The following SGCD variants were observed in gnomAD, a reference collection of about 807,000 sequenced individuals.
SGCD encodes delta-sarcoglycan.
Under a neutral mutation model 36.6 loss-of-function variants are expected in SGCD, and 18 were observed. That is an observed-to-expected ratio of 0.49 (90% CI 0.34 to 0.73). The LOEUF is 0.73. Ranked by LOEUF, SGCD falls within the 30% of genes least tolerant of loss-of-function variation. The pLI is 0.01. For missense variants in SGCD, 387 were observed against 346.7 expected (o/e 1.12, Z -0.92); for synonymous variants, 133 against 130.6 (o/e 1.02, Z -0.12).
intron 6 of SGCD, among the ~76,000 whole-genome samples, chr5:156,627,712 C>A (rs1233933793): frequency 6.6e-6 from 1 of 152,052 alleles, no homozygotes; most frequent in Non-Finnish European, 1.5e-5. Context: ...AAATCCAAGA[C>A]AAGAGCCTGG....
At chr5:156,384,117 T>C (rs186759329) in intron 3 of SGCD, among the ~76,000 whole-genome samples, 1 of 152,340 alleles carries the variant, frequency 6.6e-6, no homozygotes, top group East Asian at 1.9e-4. Flanking sequence ...AAGTTAAATA[T>C]GTGTAGCACA....
chr5:156,417,809 T>G (rs1303090785), intron 3 of SGCD, among the ~76,000 whole-genome samples: 2 of 151,746 alleles, frequency 1.3e-5, no homozygotes, highest in Non-Finnish European at 2.9e-5. Flanking sequence ...CCCAATTCAG[T>G]TCACAGCAGG....
At chr5:156,098,804 A>G (rs1192473983) in intron 1 of SGCD, among the ~76,000 whole-genome samples, 1 of 152,172 alleles carries the variant, frequency 6.6e-6, no homozygotes, top group African/African-American at 2.4e-5. Flanking sequence ...TTTGGGGCAA[A>G]TAGGTTTTCT....
intron 3 of SGCD, among the ~76,000 whole-genome samples, chr5:156,277,783 G>T (rs1340845784): frequency 1.3e-5 from 2 of 152,168 alleles, no homozygotes; most frequent in Non-Finnish European, 2.9e-5. Flanking sequence ...GAGACTTAAA[G>T]GTGATGGAAG....
chr5:156,525,373 T>C (rs1453894332), intron 4 of SGCD, among the ~76,000 whole-genome samples: 1 of 152,118 alleles, frequency 6.6e-6, no homozygotes, highest in South Asian at 2.1e-4. Flanking sequence ...TATGTCTTCT[T>C]TGGAAAAAGG....
intron 6 of SGCD, among the ~76,000 whole-genome samples, chr5:156,601,382 T>C (rs761775816): frequency 6.6e-6 from 1 of 152,226 alleles, no homozygotes; most frequent in Non-Finnish European, 1.5e-5. Context: ...CACCATTTAT[T>C]GAAGAGACTA....
intron 3 of SGCD, among the ~76,000 whole-genome samples, chr5:156,495,788 C>A (rs910288712): frequency 6.6e-6 from 1 of 152,178 alleles, no homozygotes; most frequent in African/African-American, 2.4e-5. Context: ...GATTTATAAG[C>A]TCACATTTTT....
intron 1 of SGCD, among the ~76,000 whole-genome samples, chr5:155,989,350 C>T (rs1349954989): frequency 6.6e-6 from 1 of 152,084 alleles, no homozygotes; most frequent in Non-Finnish European, 1.5e-5. Context: ...TGAGTTATGA[C>T]ATATTCTTAC....
At chr5:155,772,572 T>C in the SGCD span, among the ~76,000 whole-genome samples, 6,776 of 152,202 alleles carry the variant, frequency 0.045, 328 homozygotes, top group African/African-American at 0.12. Context: ...ATGACTCCTT[T>C]ACTTTAGCTA....
At chr5:156,408,603 C>G (rs1159402549) in intron 3 of SGCD, among the ~76,000 whole-genome samples, 2 of 152,176 alleles carry the variant, frequency 1.3e-5, no homozygotes, top group Non-Finnish European at 2.9e-5. Context: ...AGGTGATCCA[C>G]CTACCTCCAC....
At chr5:156,379,053 T>C (rs1043961966) in intron 3 of SGCD, among the ~76,000 whole-genome samples, 1 of 152,178 alleles carries the variant, frequency 6.6e-6, no homozygotes, top group Non-Finnish European at 1.5e-5. Flanking sequence ...ATAATTCACT[T>C]TATTCATTTA....
the SGCD span, among the ~76,000 whole-genome samples, chr5:155,850,870 G>A: frequency 2.0e-5 from 3 of 152,184 alleles, no homozygotes; most frequent in African/African-American, 7.2e-5. Context: ...TGATGGAAGC[G>A]ACAGAAGTAG....
chr5:156,336,783 T>C (rs1768377917), intron 2 of SGCD, among the ~76,000 whole-genome samples: 1 of 152,260 alleles, frequency 6.6e-6, no homozygotes, highest in Admixed American at 6.5e-5. Flanking sequence ...ATTGTTTAAC[T>C]GCATGTTCTT....
At chr5:156,466,408 G>A (rs867346205) in intron 3 of SGCD, among the ~76,000 whole-genome samples, 9 of 152,074 alleles carry the variant, frequency 5.9e-5, no homozygotes, top group African/African-American at 1.9e-4. Flanking sequence ...GAATAATGAC[G>A]ACTATCGGGC....
At chr5:156,461,186 TA>T (rs565192196) in intron 3 of SGCD, among the ~76,000 whole-genome samples, 410 of 152,318 alleles carry the variant, frequency 2.7e-3, no homozygotes, top group Non-Finnish European at 4.3e-3. Context: ...ATGTCAATTC[TA>T]AAAAGCATGT....
the SGCD span, among the ~76,000 whole-genome samples, chr5:155,745,371 G>A: frequency 6.6e-6 from 1 of 152,018 alleles, no homozygotes; most frequent in Non-Finnish European, 1.5e-5. Context: ...AATAAAAGCA[G>A]GTAGCTAATC....
chr5:156,448,295 C>T (rs903198735), intron 3 of SGCD, among the ~76,000 whole-genome samples: 1 of 152,160 alleles, frequency 6.6e-6, no homozygotes, highest in Non-Finnish European at 1.5e-5. Context: ...ATACTTATTA[C>T]AAAAAGACAT....
chr5:156,070,981 C>T (rs1238147116), intron 1 of SGCD, among the ~76,000 whole-genome samples: 3 of 151,994 alleles, frequency 2.0e-5, no homozygotes, highest in East Asian at 3.9e-4. Flanking sequence ...GTTGATATCC[C>T]CTTTATCATT....
intron 3 of SGCD, among the ~76,000 whole-genome samples, chr5:156,167,168 G>T (rs900151899): frequency 3.3e-5 from 5 of 152,024 alleles, no homozygotes; most frequent in African/African-American, 7.2e-5. Context: ...TTTCAGAGGT[G>T]CCCTCTCTGA....
Sources: gnomAD v4.1 joint callset for allele counts (sites outside exome capture counted in the v4.1 genomes callset) on GRCh38, gnomAD v4.1.1 for gene constraint, MANE v1.5 for transcripts, NCBI Gene and HGNC (gene_info 2026-07-23, HGNC 2026-07-21) for gene names.